PRKN: variants seen among roughly 807,000 people sequenced by gnomAD.
PRKN encodes the protein E3 ubiquitin-protein ligase parkin.
In PRKN, 56 loss-of-function variants were observed where a neutral mutation model predicts 59.5. The ratio of observed to expected loss-of-function variants is 0.94; its 90% CI spans 0.76 to 1.18. The LOEUF (loss-of-function observed/expected upper bound fraction) is 1.18. Among genes scored for constraint, PRKN ranks in the 50% most tolerant of loss-of-function variants. The pLI is 0.00. For missense variants in PRKN, 657 were observed against 596.4 expected (o/e 1.10, Z -1.06); for synonymous variants, 250 against 222.1 (o/e 1.13, Z -1.12).
chr6:161,931,386 A>G (rs1378986545), intron 6 of PRKN, among the ~76,000 whole-genome samples: 2 of 152,054 alleles, frequency 1.3e-5, no homozygotes, highest in Non-Finnish European at 2.9e-5. Context: ...TGCAGTGAGC[A>G]GAGATCACAC....
In PRKN at chr6:161,552,053, C is replaced by T. The variant is rs1372325911; in HGVS notation, c.934-3050G>A. Among the ~76,000 whole-genome samples, 2 of 151,958 alleles carry T rather than the reference C, an allele frequency of 1.3e-5. No individual in the cohort carries two copies. Among genetic ancestry groups the T allele is most frequent in the African/African-American group, 4.8e-5 (2 of 41,362 alleles). ...TATGAGTGATGAAGGAAGGGGAGGG[C>T]GGAGGAAGTCGGTATCACTGCTGGG... On this transcript the variant is annotated intron_variant, in intron 8 of 11. Transcript: ENST00000366898. The surrounding 1 kb of genome is among the most constrained non-coding windows in gnomAD (Gnocchi z 4.9).
chr6:162,227,441 G>A (rs1778232871), intron 3 of PRKN, among the ~76,000 whole-genome samples: 1 of 151,626 alleles, frequency 6.6e-6, no homozygotes, highest in African/African-American at 2.4e-5. Flanking sequence ...TGAAAATCAT[G>A]GTTTTTGAAA....
chr6:162,432,585 G>T (rs1039929290), intron 2 of PRKN, among the ~76,000 whole-genome samples: 1 of 152,054 alleles, frequency 6.6e-6, no homozygotes, highest in Non-Finnish European at 1.5e-5. Flanking sequence ...AACACAAAAA[G>T]ATTAGTATGT....
intron 1 of PRKN, among the ~76,000 whole-genome samples, chr6:162,698,028 A>G (rs2128236263): frequency 6.6e-6 from 1 of 152,342 alleles, no homozygotes; most frequent in East Asian, 1.9e-4. Flanking sequence ...CAATTAGAGG[A>G]GACTCCTTGG....
At chr6:161,842,534 G>A (rs995206900) in intron 6 of PRKN, among the ~76,000 whole-genome samples, 1 of 150,936 alleles carries the variant, frequency 6.6e-6, no homozygotes, top group Non-Finnish European at 1.5e-5. Context: ...CTTGAATCTG[G>A]CCCACTGAGG....
intron 3 of PRKN, among the ~76,000 whole-genome samples, chr6:162,217,228 CTGATA>C (rs1015912255): frequency 1.3e-5 from 2 of 152,188 alleles, no homozygotes; most frequent in Non-Finnish European, 2.9e-5. Context: ...AGTCTCTCTC[CTGATA>C]TGCATGGTTT....
chr6:162,131,550 T>C (rs2128308176), intron 4 of PRKN, among the ~76,000 whole-genome samples: 1 of 152,318 alleles, frequency 6.6e-6, no homozygotes, highest in Non-Finnish European at 1.5e-5. Flanking sequence ...ACAGCTGAAA[T>C]AAGATCCAGG....
At chr6:161,886,684 C>T (rs371431048) in intron 6 of PRKN, among the ~76,000 whole-genome samples, 3 of 139,376 alleles carry the variant, frequency 2.2e-5, no homozygotes, top group African/African-American at 8.9e-5. Flanking sequence ...GCAACAAGAG[C>T]GAAACTTGTT....
chr6:161,572,766 C>G (rs1289810323), intron 7 of PRKN, among the ~76,000 whole-genome samples: 16 of 152,090 alleles, frequency 1.1e-4, no homozygotes, highest in Admixed American at 1.0e-3. Flanking sequence ...GAAGGAAAAC[C>G]AGATCCTTCA....
chr6:162,304,166 T>C (rs1782102790), intron 2 of PRKN, among the ~76,000 whole-genome samples: 1 of 149,284 alleles, frequency 6.7e-6, no homozygotes. Flanking sequence ...TTGCAGGGGT[T>C]GTTGGTATTT....
intron 9 of PRKN, among the ~76,000 whole-genome samples, chr6:161,542,347 G>A (rs531729490): frequency 5.3e-5 from 8 of 152,264 alleles, no homozygotes; most frequent in Admixed American, 2.0e-4. Flanking sequence ...TCAACTCCCC[G>A]TAGCTCATCA....
intron 1 of PRKN, among the ~76,000 whole-genome samples, chr6:162,671,429 G>C (rs1463354857): frequency 6.6e-6 from 1 of 151,654 alleles, no homozygotes; most frequent in Non-Finnish European, 1.5e-5. Flanking sequence ...AACCCGGAAG[G>C]CGGAGGATGC....
chr6:161,868,834 A>G (rs947035801), intron 6 of PRKN, among the ~76,000 whole-genome samples: 2 of 152,216 alleles, frequency 1.3e-5, no homozygotes, highest in African/African-American at 4.8e-5. Flanking sequence ...GCTGTCATCA[A>G]AAGCACTTGT....
chr6:162,719,035 T>A (rs1778834120), intron 1 of PRKN, among the ~76,000 whole-genome samples: 1 of 152,036 alleles, frequency 6.6e-6, no homozygotes, highest in Non-Finnish European at 1.5e-5. Flanking sequence ...CCAATTCCAA[T>A]CATAGGTTGA....
chr6:161,491,076 C>A (rs1243154318), intron 9 of PRKN, among the ~76,000 whole-genome samples: 3 of 152,172 alleles, frequency 2.0e-5, no homozygotes, highest in Non-Finnish European at 4.4e-5. Context: ...ATCACCCAGT[C>A]TCCGGTATTT....
intron 7 of PRKN, among the ~76,000 whole-genome samples, chr6:161,680,063 C>T (rs989193479): frequency 1.2e-4 from 18 of 152,132 alleles, no homozygotes; most frequent in African/African-American, 4.3e-4. Context: ...CCAGAGCCAG[C>T]CATTTTTAAG....
chr6:161,764,776 A>G (rs1289295325), intron 7 of PRKN, among the ~76,000 whole-genome samples: 1 of 152,216 alleles, frequency 6.6e-6, no homozygotes, highest in Non-Finnish European at 1.5e-5. Context: ...CTTTCAATTC[A>G]AAGTACTTGG....
At chr6:161,767,876 T>C (rs1384286348) in intron 7 of PRKN, among the ~76,000 whole-genome samples, 2 of 152,098 alleles carry the variant, frequency 1.3e-5, no homozygotes, top group African/African-American at 4.8e-5. Flanking sequence ...TGGGATAACA[T>C]GGATACTGTG....
chr6:161,608,442 C>T (rs1251278661), intron 7 of PRKN, among the ~76,000 whole-genome samples: 1 of 151,934 alleles, frequency 6.6e-6, no homozygotes, highest in Non-Finnish European at 1.5e-5. Context: ...TTGTGTACAG[C>T]ATTAAACCTT....
Sources: allele counts gnomAD v4.1 joint callset (sites outside exome capture counted in the v4.1 genomes callset), GRCh38; gene constraint gnomAD v4.1.1; non-coding constraint Gnocchi (gnomAD v3.1); transcripts MANE v1.5; gene names NCBI Gene and HGNC (gene_info 2026-07-23, HGNC 2026-07-21).